Variants in KIRREL3 observed in about 807,000 individuals in gnomAD.
KIRREL3 encodes the protein kirre like nephrin family adhesion molecule 3.
KIRREL3 carries 36 observed loss-of-function variants against 89.7 expected under a neutral mutation model. The observed-to-expected ratio is 0.40, with a 90% CI of 0.31 to 0.53. The LOEUF (loss-of-function observed/expected upper bound fraction) is 0.53. Ranked by LOEUF, KIRREL3 falls within the 20% of genes least tolerant of loss-of-function variation. The pLI, the probability that KIRREL3 is intolerant of heterozygous loss-of-function variation, is 0.49. For synonymous variants in KIRREL3, 445 were observed against 441.4 expected (o/e 1.01, Z -0.10); for missense variants, 864 against 1,056.6 (o/e 0.82, Z 2.53).
At chr11:126,967,925 T>G (rs1011909434) in intron 1 of KIRREL3, among the ~76,000 whole-genome samples, 3 of 152,122 alleles carry the variant, frequency 2.0e-5, no homozygotes, top group African/African-American at 4.8e-5. Flanking sequence ...ATGCCAAGGT[T>G]GAGAAATCTT....
chr11:126,804,488 A>G (rs575824931), intron 1 of KIRREL3, among the ~76,000 whole-genome samples: 6 of 152,334 alleles, frequency 3.9e-5, no homozygotes, highest in Non-Finnish European at 8.8e-5. Context: ...GTAAAAAGAC[A>G]GCAACCCACT....
At chr11:126,452,042 A>G (rs1956196970) in intron 7 of KIRREL3, among the ~76,000 whole-genome samples, 1 of 151,906 alleles carries the variant, frequency 6.6e-6, no homozygotes, top group South Asian at 2.1e-4. Flanking sequence ...CCTTCCCTCC[A>G]TTAGCTTCTT....
rs557518159 is a variant in KIRREL3 at position 126,787,842 on chromosome 11, T to C, written c.55+212613A>G. Among the ~76,000 whole-genome samples the C allele has an allele frequency of 1.7e-4, 26 of 152,364 alleles. No individual in the cohort carries two copies. The South Asian group carries it at 5.2e-3, about 30-fold the overall frequency. ...GCCTCACTGCATTGTCTTCTAACAA[T>C]GGAAGCAGGTCTACTCTGACATATC... On this transcript the variant is annotated intron_variant, in intron 1 of 16. Coordinates refer to ENST00000525144, the MANE Select transcript of KIRREL3 (RefSeq NM_032531.4).
At chr11:126,433,387 T>TG (rs1955206301) in intron 13 of KIRREL3, among the ~76,000 whole-genome samples, 1 of 151,566 alleles carries the variant, frequency 6.6e-6, no homozygotes, top group Non-Finnish European at 1.5e-5. Flanking sequence ...TATCAAGGGG[T>TG]GGGGGTAGGG....
chr11:126,904,417 T>A lies in KIRREL3; in HGVS notation c.55+96038A>T, dbSNP rs1946494063. 6.6e-6 allele frequency among the ~76,000 whole-genome samples: 1 copy of A among 152,148 alleles called. No homozygotes were observed. Among genetic ancestry groups the A allele is most frequent in the Admixed American group, 6.5e-5 (1 of 15,272 alleles). On this transcript the variant is annotated intron_variant, in intron 1 of 16. Coordinates refer to ENST00000525144, the MANE Select transcript of KIRREL3 (RefSeq NM_032531.4). The surrounding 1 kb of genome is among the most constrained non-coding windows in gnomAD (Gnocchi z 4.4). ...TGACTGCAATAAGACTGATCACTAG[T>A]GGGGATAGTGCAACTGATAAAAGGA... is the stretch of plus-strand genomic sequence containing the variant.
At chr11:126,681,602 A>G (rs1373155469) in intron 1 of KIRREL3, among the ~76,000 whole-genome samples, 1 of 138,284 alleles carries the variant, frequency 7.2e-6, no homozygotes, top group African/African-American at 2.8e-5. Flanking sequence ...CTGGGAATGT[A>G]TATACAGACA....
rs951368268 is a variant in KIRREL3, at chr11:126,492,543, A to G, written c.434-19077T>C. Among the ~76,000 whole-genome samples the G allele has an allele frequency of 2.6e-5, 4 of 151,932 alleles. No homozygotes were observed. The highest frequency in any genetic ancestry group is 5.9e-5 in the Non-Finnish European group (4 of 67,972). ...TAGGGGAGCATGGGGCTGGAGTGGGAAGGAGGAGGAGGAGGGATGAGGCTG... is the reference window on the plus strand; with the variant it reads ...TAGGGGAGCATGGGGCTGGAGTGGGGAGGAGGAGGAGGAGGGATGAGGCTG... On this transcript the variant is annotated intron_variant, in intron 4 of 16. Coordinates refer to ENST00000525144, the MANE Select transcript of KIRREL3 (RefSeq NM_032531.4). This position sits in a 1 kb window ranked among gnomAD's most constrained non-coding sequence, Gnocchi z 4.8.
intron 1 of KIRREL3, among the ~76,000 whole-genome samples, chr11:126,865,947 G>A (rs572355716): frequency 1.4e-4 from 22 of 151,906 alleles, no homozygotes; most frequent in African/African-American, 4.1e-4. Context: ...CCTCCTCTGC[G>A]CTGAATAATA....
chr11:126,558,153 A>C lies in KIRREL3; in HGVS notation c.133+4682T>G, dbSNP rs1164038117. ...CCTGTGCAGGCCCCCCTCTGCCCCA[A>C]GGGGATGGCTGAAGGGGAGGTCAAA... On this transcript the variant is annotated intron_variant, in intron 2 of 16. Transcript: ENST00000525144. This position sits in a 1 kb window ranked among gnomAD's most constrained non-coding sequence, Gnocchi z 4.0. Among the ~76,000 whole-genome samples, 3 of 152,176 alleles carry C rather than the reference A, an allele frequency of 2.0e-5. No homozygotes were observed. Among genetic ancestry groups the C allele is most frequent in the Non-Finnish European group, 4.4e-5 (3 of 68,016 alleles).
At position 126,729,346 on chromosome 11, in the gene KIRREL3, A is replaced by G. The variant is rs1948518114; in HGVS notation, c.56-166434T>C. Among the ~76,000 whole-genome samples the G allele has an allele frequency of 6.6e-6, 1 of 152,202 alleles. No homozygotes were observed. Among genetic ancestry groups the G allele is most frequent in the Non-Finnish European group, 1.5e-5 (1 of 68,036 alleles). On this transcript the variant is annotated intron_variant, in intron 1 of 16. Transcript: ENST00000525144. This position sits in a 1 kb window ranked among gnomAD's most constrained non-coding sequence, Gnocchi z 4.5. ...GATAAAATGTGGAAAGATATAGAAGAAGAAACAGGAAGTGGAGCCTGGTGA... is the reference window on the plus strand; with the variant it reads ...GATAAAATGTGGAAAGATATAGAAGGAGAAACAGGAAGTGGAGCCTGGTGA...
At chr11:126,864,485 G>T (rs1056267778) in intron 1 of KIRREL3, among the ~76,000 whole-genome samples, 1 of 152,198 alleles carries the variant, frequency 6.6e-6, no homozygotes, top group African/African-American at 2.4e-5. Context: ...CACAGTTCTG[G>T]AATTCTTATT....
chr11:127,000,845 T>G (rs371693296), upstream of KIRREL3: 11 of 430,802 alleles, frequency 2.6e-5, 1 homozygote, highest in African/African-American at 2.0e-4. This position sits in a 1 kb window ranked among gnomAD's most constrained non-coding sequence, Gnocchi z 7.1. Flanking sequence ...TAGTGACGAG[T>G]GACAGAAGGA....
rs1013634473 is a variant in KIRREL3, at chr11:126,754,324, AT to A, written c.56-191413del. Among the ~76,000 whole-genome samples the A allele has an allele frequency of 6.6e-6, 1 of 152,224 alleles. No homozygotes were observed. The highest frequency in any genetic ancestry group is 1.5e-5 in the Non-Finnish European group (1 of 68,042). On this transcript the variant is annotated intron_variant, in intron 1 of 16. Coordinates refer to ENST00000525144, the MANE Select transcript of KIRREL3 (RefSeq NM_032531.4). The surrounding 1 kb of genome is among the most constrained non-coding windows in gnomAD (Gnocchi z 5.1). ...AGATTAAAAGAAAACTTGATGGAAA[AT>A]AAAGATGTTCACTGCTGAAACAGCA...
At chr11:126,517,778 C>T (rs1268342519) in intron 4 of KIRREL3, among the ~76,000 whole-genome samples, 2 of 152,192 alleles carry the variant, frequency 1.3e-5, no homozygotes, top group African/African-American at 4.8e-5. Flanking sequence ...CAGCGATCAT[C>T]TTATTTATCA....
chr11:126,600,907 T>C (rs1257936553), intron 1 of KIRREL3, among the ~76,000 whole-genome samples: 1 of 152,174 alleles, frequency 6.6e-6, no homozygotes, highest in East Asian at 1.9e-4. Flanking sequence ...CCCATCAGTT[T>C]TGTCCATATC....
chr11:126,874,640 G>A (rs79755087), intron 1 of KIRREL3, among the ~76,000 whole-genome samples: 2,271 of 152,302 alleles, frequency 0.015, 24 homozygotes, highest in Non-Finnish European at 0.022. Flanking sequence ...AGCCATATGG[G>A]CCTGGGCATT....
chr11:126,798,972 T>A (rs992527576), intron 1 of KIRREL3, among the ~76,000 whole-genome samples: 1 of 152,126 alleles, frequency 6.6e-6, no homozygotes, highest in Non-Finnish European at 1.5e-5. Flanking sequence ...AAAGGACTTA[T>A]GAACTACCAA....
rs1229484230 is a variant in KIRREL3 at position 126,614,783 on chromosome 11, G to A, written c.56-51871C>T. Among the ~76,000 whole-genome samples, 4 of 152,174 alleles carry A rather than the reference G, an allele frequency of 2.6e-5. No homozygotes were observed. The highest frequency in any genetic ancestry group is 6.5e-5 in the Admixed American group (1 of 15,276). On this transcript the variant is annotated intron_variant, in intron 1 of 16. Coordinates refer to ENST00000525144, the MANE Select transcript of KIRREL3 (RefSeq NM_032531.4). The surrounding 1 kb of genome is among the most constrained non-coding windows in gnomAD (Gnocchi z 4.6). ...TGTCTCCGCTGGGAGACTCTGGGGA[G>A]ATCCTGAATGGAATTGAATTTCTCT... is the stretch of plus-strand genomic sequence containing the variant.
upstream of KIRREL3, among the ~76,000 whole-genome samples, chr11:127,001,859 C>T (rs991934523): frequency 2.0e-5 from 3 of 151,786 alleles, no homozygotes; most frequent in Non-Finnish European, 4.4e-5. Context: ...CATAACAAAA[C>T]AACACAGAAA....
Sources: gnomAD v4.1 joint callset for allele counts (sites outside exome capture counted in the v4.1 genomes callset) on GRCh38, gnomAD v4.1.1 for gene constraint, Gnocchi (gnomAD v3.1) non-coding constraint, MANE v1.5 for transcripts, NCBI Gene and HGNC (gene_info 2026-07-23, HGNC 2026-07-21) for gene names.